The following CAMK1D variants were observed in gnomAD, a reference collection of about 807,000 sequenced individuals.
CAMK1D encodes the protein calcium/calmodulin-dependent protein kinase type 1D.
Under a neutral mutation model 47.7 loss-of-function variants are expected in CAMK1D, and 9 were observed. That is an observed-to-expected ratio of 0.19 (90% CI 0.11 to 0.33). The LOEUF (loss-of-function observed/expected upper bound fraction) is 0.33. CAMK1D is among the 10% of genes least tolerant of loss of function. CAMK1D has a pLI of 1.00. For missense variants in CAMK1D, 291 were observed against 488.7 expected, an observed-to-expected ratio of 0.60 and a Z score of 3.81; for synonymous variants, 184 against 184.9, an observed-to-expected ratio of 0.99 and a Z score of 0.04.
At chr10:12,826,609 C>G (rs1423298472) in intron 10 of CAMK1D, among the ~76,000 whole-genome samples, 1 of 152,184 alleles carries the variant, frequency 6.6e-6, no homozygotes, top group Non-Finnish European at 1.5e-5. Context: ...TGGCCCTAAT[C>G]TCCCTAACCA....
chr10:12,633,148 G>C (rs888743307), intron 2 of CAMK1D, among the ~76,000 whole-genome samples: 1 of 152,198 alleles, frequency 6.6e-6, no homozygotes, highest in African/African-American at 2.4e-5. Flanking sequence ...GAAGCCATGC[G>C]TTTGGATATT....
At chr10:12,696,465 G>A (rs1252139195) in intron 3 of CAMK1D, among the ~76,000 whole-genome samples, 4 of 151,974 alleles carry the variant, frequency 2.6e-5, no homozygotes, top group Non-Finnish European at 5.9e-5. Context: ...TGAACCCAGC[G>A]GGCCGAGGTT....
At chr10:12,453,182 T>G (rs566247550) in intron 1 of CAMK1D, among the ~76,000 whole-genome samples, 3 of 124,022 alleles carry the variant, frequency 2.4e-5, no homozygotes, top group African/African-American at 9.7e-5. Context: ...CTTTTCTTCT[T>G]TTTCTTTTTT....
intron 2 of CAMK1D, among the ~76,000 whole-genome samples, chr10:12,625,070 C>G (rs182540773): frequency 6.6e-6 from 1 of 152,094 alleles, no homozygotes; most frequent in East Asian, 1.9e-4. Context: ...GGCATGGTGG[C>G]TCATGCCTGT....
chr10:12,817,978 C>A (rs560304556), intron 8 of CAMK1D, among the ~76,000 whole-genome samples: 1 of 152,124 alleles, frequency 6.6e-6, no homozygotes, highest in South Asian at 2.1e-4. Flanking sequence ...TGTGAGCCAC[C>A]GCGCTGGCCT....
intron 2 of CAMK1D, among the ~76,000 whole-genome samples, chr10:12,634,598 A>T (rs934700445): frequency 6.6e-6 from 1 of 152,150 alleles, no homozygotes; most frequent in African/African-American, 2.4e-5. Context: ...CTGCTGTCAG[A>T]TGCCATCCAT....
intron 2 of CAMK1D, among the ~76,000 whole-genome samples, chr10:12,590,401 G>A (rs1215795854): frequency 6.6e-6 from 1 of 152,052 alleles, no homozygotes; most frequent in Non-Finnish European, 1.5e-5. Flanking sequence ...AGTGTTTGCA[G>A]AGATGGATCT....
At chr10:12,459,065 G>C (rs1035461978) in intron 1 of CAMK1D, among the ~76,000 whole-genome samples, 1 of 151,872 alleles carries the variant, frequency 6.6e-6, no homozygotes, top group Non-Finnish European at 1.5e-5. Context: ...TTTTAGTAGA[G>C]ACGGGGTTTT....
chr10:12,434,401 C>T (rs1373279877), intron 1 of CAMK1D, among the ~76,000 whole-genome samples: 3 of 152,080 alleles, frequency 2.0e-5, no homozygotes, highest in Admixed American at 6.6e-5. Context: ...AGGGGTCTGG[C>T]GCTGAGCCTT....
chr10:12,828,475 T>A (rs1430759389), intron 10 of CAMK1D, among the ~76,000 whole-genome samples: 1 of 152,082 alleles, frequency 6.6e-6, no homozygotes, highest in Non-Finnish European at 1.5e-5. Flanking sequence ...ACCCCATCTC[T>A]ACTAAAAATA....
chr10:12,378,329 C>T (rs1838241926), intron 1 of CAMK1D, among the ~76,000 whole-genome samples: 1 of 152,158 alleles, frequency 6.6e-6, no homozygotes, highest in African/African-American at 2.4e-5. Context: ...TCACTGCAGC[C>T]TCTAACTCCT....
intron 1 of CAMK1D, among the ~76,000 whole-genome samples, chr10:12,368,407 A>G (rs1381271224): frequency 6.6e-6 from 1 of 152,068 alleles, no homozygotes; most frequent in African/African-American, 2.4e-5. Flanking sequence ...CCCTATTAAA[A>G]AAAAAAAAGT....
chr10:12,375,831 G>C (rs1838161325), intron 1 of CAMK1D, among the ~76,000 whole-genome samples: 1 of 152,090 alleles, frequency 6.6e-6, no homozygotes, highest in Non-Finnish European at 1.5e-5. Flanking sequence ...CTCTTTTGCA[G>C]TTTTAGGACT....
chr10:12,439,490 C>T (rs1052640621), intron 1 of CAMK1D, among the ~76,000 whole-genome samples: 1 of 152,178 alleles, frequency 6.6e-6, no homozygotes, highest in African/African-American at 2.4e-5. Context: ...TAGGGCTTGG[C>T]TGTGATAACA....
At chr10:12,545,436 G>A (rs1229676183) in intron 1 of CAMK1D, among the ~76,000 whole-genome samples, 20 of 136,896 alleles carry the variant, frequency 1.5e-4, no homozygotes, top group African/African-American at 4.7e-4. Context: ...GTGACAGAGC[G>A]AGACTCCATC....
intron 10 of CAMK1D, among the ~76,000 whole-genome samples, chr10:12,827,464 G>GTCTTTCTTTCTTTCTT (rs1564594078): frequency 0.021 from 125 of 6,002 alleles, 48 homozygotes; most frequent in African/African-American, 0.039. Flanking sequence ...TTCTTTCTTT[G>GTCTTTCTTTCTTTCTT]TCTGTCTGTC....
At chr10:12,754,776 C>T (rs1481700772) in intron 3 of CAMK1D, among the ~76,000 whole-genome samples, 1 of 152,152 alleles carries the variant, frequency 6.6e-6, no homozygotes, top group African/African-American at 2.4e-5. Flanking sequence ...GCATGGAATT[C>T]CCAGTGTCTC....
chr10:12,670,990 C>T (rs1216127402), intron 3 of CAMK1D, among the ~76,000 whole-genome samples: 1 of 152,204 alleles, frequency 6.6e-6, no homozygotes, highest in Non-Finnish European at 1.5e-5. Flanking sequence ...CTTGCAACTA[C>T]TTATCTTTGG....
chr10:12,665,849 C>T (rs1388646853), intron 2 of CAMK1D, among the ~76,000 whole-genome samples: 1 of 152,260 alleles, frequency 6.6e-6, no homozygotes, highest in East Asian at 1.9e-4. Flanking sequence ...GCCTTCGAGG[C>T]CCCAAGCAAA....
Sources: gnomAD v4.1 joint callset for allele counts (sites outside exome capture counted in the v4.1 genomes callset) on GRCh38, gnomAD v4.1.1 for gene constraint, MANE v1.5 for transcripts, NCBI Gene and HGNC (gene_info 2026-07-23, HGNC 2026-07-21) for gene names.